The following KCNH5 variants were observed in gnomAD, a reference collection of about 807,000 sequenced individuals.
The protein encoded by KCNH5 is potassium voltage-gated channel subfamily H member 5, also known as voltage-gated delayed rectifier potassium channel KCNH5.
In KCNH5, 46 loss-of-function variants were observed where a neutral mutation model predicts 96.1. The observed-to-expected ratio is 0.48, with a 90% CI of 0.38 to 0.61. The LOEUF (loss-of-function observed/expected upper bound fraction) is 0.61, where lower values mean the gene tolerates loss of function less well. Among genes scored for constraint, KCNH5 ranks in the 20% least tolerant of loss-of-function variants. The pLI, the probability that KCNH5 is intolerant of heterozygous loss-of-function variation, is 0.00. For synonymous variants in KCNH5, 439 were observed against 449.8 expected (o/e 0.98, Z 0.30); for missense variants, 907 against 1,225.8 (o/e 0.74, Z 3.88).
At chr14:62,858,779 C>T (rs1039417154) in intron 7 of KCNH5, among the ~76,000 whole-genome samples, 3 of 152,070 alleles carry the variant, frequency 2.0e-5, no homozygotes, top group African/African-American at 4.8e-5. Flanking sequence ...GAAACAATAC[C>T]ATATATCGGA....
intron 7 of KCNH5, among the ~76,000 whole-genome samples, chr14:62,899,420 C>T (rs1008130584): frequency 6.6e-6 from 1 of 151,704 alleles, no homozygotes; most frequent in African/African-American, 2.4e-5. Flanking sequence ...TAAATGATCT[C>T]GCCAAAAAAT....
chr14:62,788,232 C>T (rs1018204521), intron 9 of KCNH5, among the ~76,000 whole-genome samples: 19 of 152,218 alleles, frequency 1.2e-4, no homozygotes, highest in Non-Finnish European at 1.6e-4. Flanking sequence ...TCATGGATGA[C>T]TTTGAGAGCT....
At chr14:62,853,542 C>A (rs1276032847) in intron 7 of KCNH5, among the ~76,000 whole-genome samples, 1 of 138,724 alleles carries the variant, frequency 7.2e-6, no homozygotes, top group African/African-American at 2.7e-5. Context: ...CTAGCCATCA[C>A]TCCTATCAGT....
At chr14:62,991,535 T>C (rs2139579846) in intron 4 of KCNH5, among the ~76,000 whole-genome samples, 1 of 152,120 alleles carries the variant, frequency 6.6e-6, no homozygotes, top group East Asian at 1.9e-4. Flanking sequence ...GGTTGTAAAA[T>C]TGAGTAATCG....
chr14:62,795,193 G>A (rs187915858), intron 9 of KCNH5, among the ~76,000 whole-genome samples: 9 of 152,220 alleles, frequency 5.9e-5, no homozygotes, highest in Admixed American at 5.9e-4. Context: ...AACAAAGGAG[G>A]AACAGAGGGC....
rs77157601 is a variant in KCNH5 at position 62,703,598 on chromosome 14, A to C, written c.*3910T>G. The C allele has an allele frequency of 0.08, 12,193 of 151,902 alleles. 800 individuals carry two copies. Among genetic ancestry groups the C allele is most frequent in the African/African-American group, 0.18 (7,297 of 41,498 alleles). The allele number at this position is 151,902 out of a possible 1,614,324, so 9.4% of individuals were successfully genotyped here. A position where few individuals can be genotyped will look rare whatever the true frequency, so the allele number is the denominator to read the frequency against. On this transcript the variant is annotated 3_prime_UTR_variant, in exon 11 of 11. Coordinates refer to ENST00000322893, the MANE Select transcript of KCNH5 (RefSeq NM_139318.5). ...TTTGTGGTAAAGCTAAATTCAGAAC[A>C]CAAGACAAAGCTCAGATACTAAGAC...
rs1439422944 is a variant in KCNH5 at position 63,003,506 on chromosome 14, TA to T, written c.305-2048del. Among the ~76,000 whole-genome samples, 99 of 116,778 alleles carry T rather than the reference TA, an allele frequency of 8.5e-4. 1 individual carries two copies. The South Asian group carries it at 0.017, about 20-fold the overall frequency. The allele number at this position is 116,778 out of a possible 152,430, so 76.6% of individuals were successfully genotyped here. ...TTTTATATATATTATATATATATTT[TA>T]TATATATTTTATATATTTTATATAT... On this transcript the variant is annotated intron_variant, in intron 3 of 10. Transcript: ENST00000322893.
intron 4 of KCNH5, among the ~76,000 whole-genome samples, chr14:62,992,532 G>A (rs1365919223): frequency 6.6e-6 from 1 of 151,834 alleles, no homozygotes; most frequent in African/African-American, 2.4e-5. Flanking sequence ...GTTGTGAGAT[G>A]GTATCTCATT....
At chr14:62,943,520 A>G (rs931651714) in intron 7 of KCNH5, among the ~76,000 whole-genome samples, 1 of 152,228 alleles carries the variant, frequency 6.6e-6, no homozygotes, top group African/African-American at 2.4e-5. Context: ...AGGCATCATT[A>G]AGTATTTACC....
chr14:62,860,910 A>G (rs1162774284), intron 7 of KCNH5, among the ~76,000 whole-genome samples: 1 of 152,216 alleles, frequency 6.6e-6, no homozygotes, highest in African/African-American at 2.4e-5. Context: ...CAGAAATTTT[A>G]AACCCAGCTT....
chr14:63,033,656 C>A lies in KCNH5; in HGVS notation c.73+11458G>T, dbSNP rs150972559. Among the ~76,000 whole-genome samples the A allele has an allele frequency of 1.6e-3, 239 of 152,248 alleles. 1 individual carries two copies. Among genetic ancestry groups the A allele is most frequent in the African/African-American group, 5.6e-3 (233 of 41,534 alleles). On this transcript the variant is annotated intron_variant, in intron 1 of 10. Transcript: ENST00000322893. ...CTATTTGTTCATTACTGTACACTCA[C>A]AAATGTTTTATGAATATATCAAATA...
At chr14:62,945,017 A>C (rs568905732) in intron 7 of KCNH5, among the ~76,000 whole-genome samples, 23 of 152,298 alleles carry the variant, frequency 1.5e-4, no homozygotes, top group African/African-American at 4.3e-4. Context: ...CAGGAACTTC[A>C]GAAAATGGAA....
chr14:63,025,185 G>A (rs1211087482), intron 1 of KCNH5, among the ~76,000 whole-genome samples: 3 of 151,968 alleles, frequency 2.0e-5, no homozygotes, highest in African/African-American at 7.2e-5. Context: ...ATTCAACATT[G>A]TTTCATGATT....
intron 10 of KCNH5, among the ~76,000 whole-genome samples, chr14:62,720,248 C>T (rs1284779959): frequency 6.6e-6 from 1 of 151,928 alleles, no homozygotes; most frequent in East Asian, 1.9e-4. Context: ...CTGGAGAGGA[C>T]GTGGAAGAGG....
At chr14:62,934,169 T>C (rs1173031026) in intron 7 of KCNH5, among the ~76,000 whole-genome samples, 2 of 151,382 alleles carry the variant, frequency 1.3e-5, no homozygotes, top group South Asian at 2.1e-4. Flanking sequence ...TCTCACTCTG[T>C]CACCCAGGCT....
At chr14:62,780,156 C>A (rs1886180389) in intron 9 of KCNH5, among the ~76,000 whole-genome samples, 1 of 152,116 alleles carries the variant, frequency 6.6e-6, no homozygotes, top group Admixed American at 6.5e-5. Flanking sequence ...TAAATGGATC[C>A]AACAGAGAAG....
chr14:62,763,376 C>G (rs901663924), intron 10 of KCNH5, among the ~76,000 whole-genome samples: 1 of 151,786 alleles, frequency 6.6e-6, no homozygotes, highest in Admixed American at 6.6e-5. Flanking sequence ...ACCCGAATCT[C>G]ACGCCTAAGG....
chr14:62,890,647 C>G (rs1471256865), intron 7 of KCNH5, among the ~76,000 whole-genome samples: 2 of 144,078 alleles, frequency 1.4e-5, no homozygotes, highest in Non-Finnish European at 3.0e-5. Flanking sequence ...TGCAGTGAGC[C>G]GAGATCGCGC....
At chr14:62,719,910 G>A (rs377437675) in intron 10 of KCNH5, among the ~76,000 whole-genome samples, 2 of 152,260 alleles carry the variant, frequency 1.3e-5, no homozygotes, top group African/African-American at 4.8e-5. Context: ...TTTACATTAC[G>A]GATATGTGTT....
Sources: allele counts gnomAD v4.1 joint callset (sites outside exome capture counted in the v4.1 genomes callset), GRCh38; gene constraint gnomAD v4.1.1; transcripts MANE v1.5; gene names NCBI Gene and HGNC (gene_info 2026-07-23, HGNC 2026-07-21).